Variants in AKAP6 observed in about 807,000 individuals in gnomAD.
The protein encoded by AKAP6 is A-kinase anchoring protein 6, also known as A-kinase anchor protein 6.
A neutral mutation model predicts 188.5 loss-of-function variants in AKAP6; 58 were observed. The observed-to-expected ratio is 0.31, with a 90% confidence interval of 0.25 to 0.38. AKAP6 has a LOEUF of 0.38. Ranked by LOEUF, AKAP6 falls within the 10% of genes least tolerant of loss-of-function variation. The pLI is 1.00. For synonymous variants in AKAP6, 989 were observed against 998.6 expected (o/e 0.99, Z 0.18); for missense variants, 2,710 against 2,740.0 (o/e 0.99, Z 0.24).
At chr14:32,675,161 T>G (rs547160846) in intron 7 of AKAP6, among the ~76,000 whole-genome samples, 124 of 152,284 alleles carry the variant, frequency 8.1e-4, no homozygotes, top group Admixed American at 3.0e-3. Flanking sequence ...GTACCTTAAA[T>G]TAATAGACTC....
intron 2 of AKAP6, among the ~76,000 whole-genome samples, chr14:32,464,072 T>A (rs1308574059): frequency 3.3e-5 from 5 of 152,106 alleles, no homozygotes; most frequent in African/African-American, 1.2e-4. Context: ...AATAGACCAA[T>A]AACAAGTTCT....
chr14:32,410,565 A>C (rs1473225060), intron 1 of AKAP6, among the ~76,000 whole-genome samples: 1 of 152,144 alleles, frequency 6.6e-6, no homozygotes. Flanking sequence ...GGCCATGGTC[A>C]CTCACGTTTG....
Position 32,704,334 on chromosome 14 carries a change from T to A in AKAP6, c.3000+8224T>A, listed in dbSNP as rs116414817. Reference sequence around the variant, plus strand: ...TTAATTAGATGGGAATGCGTAGTATTCCCTCTTTTGTTAAGCTGATAGCTT... The same window carrying A: ...TTAATTAGATGGGAATGCGTAGTATACCCTCTTTTGTTAAGCTGATAGCTT... On this transcript the variant is annotated intron_variant, in intron 9 of 13. Coordinates refer to ENST00000280979, the MANE Select transcript of AKAP6 (RefSeq NM_004274.5). Among the ~76,000 whole-genome samples, 427 of 152,330 alleles carry A rather than the reference T, an allele frequency of 2.8e-3. 5 individuals are homozygous for A. Among genetic ancestry groups the A allele is most frequent in the African/African-American group, 9.3e-3 (387 of 41,580 alleles).
intron 12 of AKAP6, among the ~76,000 whole-genome samples, chr14:32,786,303 T>TTTTTTTTTTTG (rs2033409951): frequency 1.4e-5 from 1 of 73,764 alleles, no homozygotes; most frequent in Non-Finnish European, 2.7e-5. Flanking sequence ...TTTATCTTTT[T>TTTTTTTTTTTG]TTTTTTTTTT....
intron 8 of AKAP6, among the ~76,000 whole-genome samples, chr14:32,685,909 C>T (rs539707346): frequency 6.6e-6 from 1 of 152,142 alleles, no homozygotes; most frequent in South Asian, 2.1e-4. Flanking sequence ...AATAGGGCTA[C>T]CATACAATCC....
Position 32,833,104 on chromosome 14 carries a change from G to A in AKAP6, c.*3299G>A, listed in dbSNP as rs1171769063. 6.6e-6 allele frequency: 1 copy of A among 152,180 alleles called. No individual in the cohort carries two copies. The highest frequency in any genetic ancestry group is 1.5e-5 in the Non-Finnish European group (1 of 68,034). 9.4% of individuals were successfully genotyped at this position (152,180 alleles called of 1,614,324 possible). ...CCCAGTCCAGTGCCTAAGTCATCTG[G>A]AATCTTCTCCTTACATCGAATACAA... On this transcript the variant is annotated 3_prime_UTR_variant, in exon 14 of 14. Coordinates refer to ENST00000280979, the MANE Select transcript of AKAP6 (RefSeq NM_004274.5).
At chr14:32,561,096 T>C (rs1028597224) in intron 4 of AKAP6, among the ~76,000 whole-genome samples, 5 of 152,300 alleles carry the variant, frequency 3.3e-5, no homozygotes, top group African/African-American at 1.2e-4. Flanking sequence ...TTATGAAAAC[T>C]TGAATAAGTC....
Position 32,831,554 on chromosome 14 carries a change from G to A in AKAP6, c.*1749G>A, listed in dbSNP as rs2034819875. Reference sequence around the variant, plus strand: ...GTTCAGAAACACTTTTTATCTGCAAGGCACTATTCTAGATCCAGAAGATGC... The same window carrying A: ...GTTCAGAAACACTTTTTATCTGCAAAGCACTATTCTAGATCCAGAAGATGC... On this transcript the variant is annotated 3_prime_UTR_variant, in exon 14 of 14. Transcript: ENST00000280979. 6.6e-6 allele frequency: 1 copy of A among 152,214 alleles called. No individual in the cohort carries two copies. Among genetic ancestry groups the A allele is most frequent in the South Asian group, 2.1e-4 (1 of 4,836 alleles). 9.4% of individuals were successfully genotyped at this position (152,214 alleles called of 1,614,324 possible). A position where few individuals can be genotyped will look rare whatever the true frequency, so the allele number is the denominator to read the frequency against.
At chr14:32,451,835 CT>C (rs1462659883) in intron 2 of AKAP6, among the ~76,000 whole-genome samples, 1 of 151,936 alleles carries the variant, frequency 6.6e-6, no homozygotes, top group East Asian at 1.9e-4. Context: ...GGCAACTGTA[CT>C]GGACAGCAAA....
rs546819675 is a variant in AKAP6 at position 32,811,255 on chromosome 14, A to AAAAAAAAAAAAAAAAAAAAAT, written c.3589-10146_3589-10145insAAAAAAAAAAAAAAAAAAATA. 9.6e-4 allele frequency among the ~76,000 whole-genome samples: 114 copies of AAAAAAAAAAAAAAAAAAAAAT among 118,274 alleles called. 9 individuals carry two copies. Among genetic ancestry groups the AAAAAAAAAAAAAAAAAAAAAT allele is most frequent in the South Asian group, 2.8e-3 (10 of 3,596 alleles). The allele number at this position is 118,274 out of a possible 152,430, so 77.6% of individuals were successfully genotyped here. ...CTCCGTCTCAGGAAAAAAAAAAAAA[A>AAAAAAAAAAAAAAAAAAAAAT]AGTTGAAAAACAGACTAAGATAATG... On this transcript the variant is annotated intron_variant, in intron 12 of 13. Coordinates refer to ENST00000280979, the MANE Select transcript of AKAP6 (RefSeq NM_004274.5).
intron 7 of AKAP6, among the ~76,000 whole-genome samples, chr14:32,651,029 T>C (rs1281610282): frequency 1.3e-5 from 2 of 152,158 alleles, no homozygotes; most frequent in Non-Finnish European, 2.9e-5. Context: ...TTGATTGAAA[T>C]ACAGAGAGAC....
chr14:32,357,426 T>C (rs1436703259), intron 1 of AKAP6, among the ~76,000 whole-genome samples: 1 of 152,240 alleles, frequency 6.6e-6, no homozygotes, highest in Non-Finnish European at 1.5e-5. Flanking sequence ...TTAGATACAT[T>C]ATTATTTTGT....
chr14:32,354,141 A>G (rs542167206), intron 1 of AKAP6, among the ~76,000 whole-genome samples: 203 of 152,162 alleles, frequency 1.3e-3, no homozygotes, highest in Non-Finnish European at 2.6e-3. Context: ...AAAAGAGCCC[A>G]CATTGCCAAG....
At chr14:32,347,449 C>G (rs1172023622) in intron 1 of AKAP6, among the ~76,000 whole-genome samples, 1 of 152,224 alleles carries the variant, frequency 6.6e-6, no homozygotes, top group Non-Finnish European at 1.5e-5. Context: ...CACTTTCGGA[C>G]TGTACATTTC....
intron 12 of AKAP6, among the ~76,000 whole-genome samples, chr14:32,801,390 C>T (rs1050037208): frequency 3.9e-5 from 6 of 152,122 alleles, no homozygotes; most frequent in Admixed American, 2.0e-4. Flanking sequence ...TATACTGCTT[C>T]GCATGTATAG....
intron 2 of AKAP6, among the ~76,000 whole-genome samples, chr14:32,462,837 G>C (rs531417786): frequency 7.6e-6 from 1 of 131,056 alleles, no homozygotes; most frequent in African/African-American, 3.0e-5. Flanking sequence ...CCCATCTCAC[G>C]TGCAAAAACA....
intron 1 of AKAP6, among the ~76,000 whole-genome samples, chr14:32,352,581 C>T (rs1887325974): frequency 6.6e-6 from 1 of 152,166 alleles, no homozygotes; most frequent in Admixed American, 6.5e-5. Context: ...TGTCCTCAGC[C>T]TTTGGTAATC....
At chr14:32,772,826 G>A (rs1042050845) in intron 11 of AKAP6, among the ~76,000 whole-genome samples, 2 of 152,202 alleles carry the variant, frequency 1.3e-5, no homozygotes, top group African/African-American at 4.8e-5. Context: ...TAGTAATTCA[G>A]TGATGTTTGT....
At chr14:32,630,670 G>T (rs1268851001) in intron 7 of AKAP6, among the ~76,000 whole-genome samples, 2 of 152,006 alleles carry the variant, frequency 1.3e-5, no homozygotes, top group Admixed American at 6.6e-5. Flanking sequence ...GAGGTAAAGG[G>T]TAGGTAAGCC....
Sources: allele counts gnomAD v4.1 joint callset (sites outside exome capture counted in the v4.1 genomes callset), GRCh38; gene constraint gnomAD v4.1.1; transcripts MANE v1.5; gene names NCBI Gene and HGNC (gene_info 2026-07-23, HGNC 2026-07-21).